Variants in CRYM observed in about 807,000 individuals in gnomAD.
CRYM encodes the protein crystallin mu, also known as ketimine reductase mu-crystallin.
CRYM carries 18 observed loss-of-function variants against 32.9 expected under a neutral mutation model. The ratio of observed to expected loss-of-function variants is 0.55; its 90% CI spans 0.38 to 0.81. The LOEUF is 0.81. Among genes scored for constraint, CRYM ranks in the 30% least tolerant of loss-of-function variants. The pLI, the probability that CRYM is intolerant of heterozygous loss-of-function variation, is 0.00. For missense variants in CRYM, 337 were observed against 393.5 expected, an observed-to-expected ratio of 0.86 and a Z score of 1.21; for synonymous variants, 153 against 152.4, an observed-to-expected ratio of 1.00 and a Z score of -0.03.
chr16:21,267,771 C>A, intron 4 of CRYM, 34 bp from the exon 5 acceptor site: 1 of 1,612,382 alleles, frequency 6.2e-7, no homozygotes, highest in Non-Finnish European at 8.5e-7. Context: ...ATATTGGCGC[C>A]ATTTTTTGGC....
At position 21,266,961 on chromosome 16, in the gene CRYM, C is replaced by T. The variant is rs369273092; in HGVS notation, c.673+593G>A. On this transcript the variant is annotated intron_variant, in intron 5 of 7. Coordinates refer to ENST00000572914, the MANE Select transcript of CRYM (RefSeq NM_001376256.1). ...GGCAGAGGTTGCAGTGAGCTGAGAT[C>T]TCGCCACTGCACTCCAGCCTGAGCG... is the stretch of plus-strand genomic sequence containing the variant. Among the ~76,000 whole-genome samples the T allele has an allele frequency of 8.6e-5, 13 of 151,428 alleles. No individual in the cohort carries two copies. In the East Asian group the frequency reaches 1.2e-3, roughly 14 times the overall value.
At chr16:21,271,916 C>T (rs892989218) in intron 3 of CRYM, among the ~76,000 whole-genome samples, 10 of 151,634 alleles carry the variant, frequency 6.6e-5, no homozygotes, top group South Asian at 2.1e-4. Context: ...TGGAATGCAG[C>T]GGTGTGATCT....
At chr16:21,291,262 A>G (rs1035090948) in intron 1 of CRYM, among the ~76,000 whole-genome samples, 4 of 152,196 alleles carry the variant, frequency 2.6e-5, no homozygotes, top group African/African-American at 9.6e-5. Flanking sequence ...ATCAGCAAAT[A>G]CTATGATATC....
intron 1 of CRYM, among the ~76,000 whole-genome samples, chr16:21,290,085 A>C (rs1436652138): frequency 1.3e-5 from 2 of 152,028 alleles, no homozygotes; most frequent in Non-Finnish European, 2.9e-5. Context: ...AAATGGACCA[A>C]TCAGCAGGAT....
At chr16:21,273,499 T>TGAC (rs1275088664) in intron 3 of CRYM, among the ~76,000 whole-genome samples, 1 of 152,220 alleles carries the variant, frequency 6.6e-6, no homozygotes, top group Non-Finnish European at 1.5e-5. Context: ...AGGCTGGGTC[T>TGAC]ACAAAAGTGT....
chr16:21,290,380 T>C (rs1027350844), intron 1 of CRYM, among the ~76,000 whole-genome samples: 1 of 152,054 alleles, frequency 6.6e-6, no homozygotes, highest in Non-Finnish European at 1.5e-5. Flanking sequence ...GGTCTGCAGC[T>C]TCTCTCCTGA....
chr16:21,269,017 G>A lies in CRYM; in HGVS notation c.489+773C>T, dbSNP rs143525466. Among the ~76,000 whole-genome samples, 832 of 151,916 alleles carry A rather than the reference G, an allele frequency of 5.5e-3. 7 individuals carry two copies. Among genetic ancestry groups the A allele is most frequent in the Non-Finnish European group, 8.3e-3 (566 of 67,948 alleles). ...AAATTAGCCAGGTGTGGTAGTGGGC[G>A]CCTATAATCCAAGCTACTTGGGAGG... On this transcript the variant is annotated intron_variant, in intron 4 of 7. Transcript: ENST00000572914.
At chr16:21,302,842 A>C (rs946545221) in intron 1 of CRYM, 1 of 152,260 alleles carries the variant, frequency 6.6e-6, no homozygotes, top group African/African-American at 2.4e-5. Flanking sequence ...AGTTACAGAT[A>C]TCTCAAGACA....
At chr16:21,274,325 G>A (rs910288219) in intron 3 of CRYM, among the ~76,000 whole-genome samples, 3 of 152,024 alleles carry the variant, frequency 2.0e-5, no homozygotes, top group Admixed American at 6.6e-5. Context: ...TGCATGGTTC[G>A]CTAACTCACT....
Position 21,262,099 on chromosome 16 carries a change from C to T in CRYM, c.733G>A (p.Val245Met). The T allele has an allele frequency of 6.2e-7, 1 of 1,614,160 alleles. No individual in the cohort carries two copies. The highest frequency in any genetic ancestry group is 8.5e-7 in the Non-Finnish European group (1 of 1,180,028). ...GCCTCCTGGGAATCCACGTACAGCA[C>T]AGCTTCTTTCATGAGCTCATCATCC... ...ELDDELMKEA[V>M]LYVDSQEAAL... Residue 245 changes from valine (V) to methionine (M), a missense_variant, in exon 6 of 8, where the codon GTG becomes ATG. Physicochemically the swap from Val to Met is conservative, Grantham distance 21. Coordinates refer to ENST00000572914, the MANE Select transcript of CRYM (RefSeq NM_001376256.1).
chr16:21,302,318 A>G (rs1960968552), intron 1 of CRYM, among the ~76,000 whole-genome samples: 1 of 152,210 alleles, frequency 6.6e-6, no homozygotes, highest in Non-Finnish European at 1.5e-5. Flanking sequence ...ATTGTATCCA[A>G]CTCAGAGGGC....
rs758541593 is a variant in CRYM, at chr16:21,262,082, G to A, written c.750C>T (p.Ser250=). Residue 250 remains serine (S), a synonymous_variant, in exon 6 of 8, where the codon TCC becomes TCT. Transcript: ENST00000572914. ...CAGACTCCTTCAGGGCAGCCTCCTGGGAATCCACGTACAGCACAGCTTCTT... is the reference window on the plus strand; with the variant it reads ...CAGACTCCTTCAGGGCAGCCTCCTGAGAATCCACGTACAGCACAGCTTCTT... ...LMKEAVLYVD[S]QEAALKESGD... 1 of 1,614,096 alleles carries A rather than the reference G, an allele frequency of 6.2e-7. No homozygotes were observed. The highest frequency in any genetic ancestry group is 8.5e-7 in the Non-Finnish European group (1 of 1,180,004).
upstream of CRYM, among the ~76,000 whole-genome samples, chr16:21,281,517 C>A (rs1189089317): frequency 5.3e-5 from 8 of 152,146 alleles, no homozygotes; most frequent in East Asian, 1.5e-3. Flanking sequence ...AGGCATGAGC[C>A]ACCGTGCCCG....
chr16:21,291,561 A>G (rs988605101), intron 1 of CRYM, among the ~76,000 whole-genome samples: 3 of 152,120 alleles, frequency 2.0e-5, no homozygotes, highest in African/African-American at 7.2e-5. Context: ...TGCATAATGC[A>G]TTTTCTCTGT....
At chr16:21,281,194 A>C (rs1567237056), upstream of CRYM, among the ~76,000 whole-genome samples, 1 of 151,478 alleles carries the variant, frequency 6.6e-6, no homozygotes, top group South Asian at 2.1e-4. Context: ...CTATGTATCT[A>C]TATAGATATG....
At chr16:21,284,741 A>G (rs966517521) in intron 1 of CRYM, among the ~76,000 whole-genome samples, 1 of 152,214 alleles carries the variant, frequency 6.6e-6, no homozygotes, top group African/African-American at 2.4e-5. Flanking sequence ...TGCAATGAAC[A>G]TACAGACGCA....
chr16:21,286,981 T>TA (rs1457367059), intron 1 of CRYM, among the ~76,000 whole-genome samples: 1 of 151,394 alleles, frequency 6.6e-6, no homozygotes, highest in Non-Finnish European at 1.5e-5. Flanking sequence ...TCCCAGCTAC[T>TA]AGGGAGGCTG....
chr16:21,261,894 A>C, intron 6 of CRYM, 143 bp downstream of exon 6: 1 of 947,590 alleles, frequency 1.1e-6, no homozygotes, highest in East Asian at 2.4e-5. Flanking sequence ...GGGTTGCAAA[A>C]TGTTTAGGAG....
intron 2 of CRYM, among the ~76,000 whole-genome samples, chr16:21,275,874 C>A (rs768332461): frequency 9.9e-5 from 15 of 152,196 alleles, no homozygotes; most frequent in Non-Finnish European, 2.2e-4. Flanking sequence ...CTGGAAACAT[C>A]TAGCACATGG....
Sources: gnomAD v4.1 joint callset for allele counts (sites outside exome capture counted in the v4.1 genomes callset) on GRCh38, gnomAD v4.1.1 for gene constraint, MANE v1.5 for transcripts, NCBI Gene and HGNC (gene_info 2026-07-23, HGNC 2026-07-21) for gene names.